The following CHSY3 variants were observed in gnomAD, a reference collection of about 807,000 sequenced individuals.
CHSY3 encodes the protein N-acetylgalactosaminyl-proteoglycan 3-beta-glucuronosyltransferase 3.
A neutral mutation model predicts 67.2 loss-of-function variants in CHSY3; 35 were observed. The ratio of observed to expected loss-of-function variants is 0.52; its 90% CI spans 0.40 to 0.69. The LOEUF is 0.69. Ranked by LOEUF, CHSY3 falls within the 30% of genes least tolerant of loss-of-function variation. CHSY3 has a pLI of 0.00. For synonymous variants in CHSY3, 474 were observed against 434.7 expected (o/e 1.09, Z -1.12); for missense variants, 1,069 against 1,138.5 (o/e 0.94, Z 0.88).
chr5:129,944,628 C>T (rs1186826047), intron 2 of CHSY3, among the ~76,000 whole-genome samples: 1 of 152,068 alleles, frequency 6.6e-6, no homozygotes, highest in Non-Finnish European at 1.5e-5. Context: ...CCACCGCGCC[C>T]AGCCCAGTGA....
In CHSY3 at chr5:130,072,113, A is replaced by T. The variant is rs187613062; in HGVS notation, c.1087-112116A>T. Among the ~76,000 whole-genome samples the T allele has an allele frequency of 2.6e-4, 40 of 152,036 alleles. No individual in the cohort carries two copies. The East Asian group carries it at 2.7e-3, about 10-fold the overall frequency. On this transcript the variant is annotated intron_variant, in intron 2 of 2. Coordinates refer to ENST00000305031, the MANE Select transcript of CHSY3 (RefSeq NM_175856.5). ...TTTTTATATTAACCCCTTATCAGACATATGGTTTGCAAATATTTTCTCCCA... is the reference window on the plus strand; with the variant it reads ...TTTTTATATTAACCCCTTATCAGACTTATGGTTTGCAAATATTTTCTCCCA...
chr5:130,143,784 G>GTGTATATATATATATGTGTGTATA (rs1179526892), intron 2 of CHSY3, among the ~76,000 whole-genome samples: 1 of 73,844 alleles, frequency 1.4e-5, no homozygotes, highest in African/African-American at 6.2e-5. Flanking sequence ...ATATATATGT[G>GTGTATATATATATATGTGTGTATA]TATATATATA....
intron 2 of CHSY3, among the ~76,000 whole-genome samples, chr5:129,926,227 G>A (rs1175952686): frequency 6.6e-6 from 1 of 151,912 alleles, no homozygotes; most frequent in Non-Finnish European, 1.5e-5. Flanking sequence ...ATTCAGTTTA[G>A]ATGGCCAACT....
chr5:130,012,316 T>C (rs1561496103), intron 2 of CHSY3, among the ~76,000 whole-genome samples: 1 of 152,156 alleles, frequency 6.6e-6, no homozygotes, highest in Non-Finnish European at 1.5e-5. Context: ...TCAGATCTTA[T>C]ACAAAGCCAA....
chr5:130,170,341 A>T (rs1769865241), intron 2 of CHSY3, among the ~76,000 whole-genome samples: 1 of 152,108 alleles, frequency 6.6e-6, no homozygotes, highest in East Asian at 1.9e-4. Context: ...ATTGCATAGT[A>T]TTCCATGGTG....
intron 2 of CHSY3, among the ~76,000 whole-genome samples, chr5:129,955,743 A>G (rs1762152628): frequency 6.6e-6 from 1 of 152,044 alleles, no homozygotes; most frequent in African/African-American, 2.4e-5. Context: ...CTATGTGTCC[A>G]TGAGCTTTCA....
chr5:129,993,604 C>T (rs1218611982), intron 2 of CHSY3, among the ~76,000 whole-genome samples: 2 of 152,040 alleles, frequency 1.3e-5, no homozygotes, highest in African/African-American at 2.4e-5. Context: ...CTATGTGTGT[C>T]TCTGCACGTG....
intron 2 of CHSY3, among the ~76,000 whole-genome samples, chr5:129,967,588 C>A (rs969321825): frequency 2.6e-5 from 4 of 151,804 alleles, no homozygotes; most frequent in Non-Finnish European, 4.4e-5. Context: ...GCTTTCTTGG[C>A]AAAAGGATAT....
At chr5:130,123,885 A>T (rs1042473539) in intron 2 of CHSY3, among the ~76,000 whole-genome samples, 1 of 151,700 alleles carries the variant, frequency 6.6e-6, no homozygotes, top group Non-Finnish European at 1.5e-5. Context: ...GTGAAACCCC[A>T]TCTCTACTAA....
At chr5:129,909,580 C>T (rs1236856857) in intron 2 of CHSY3, among the ~76,000 whole-genome samples, 3 of 151,852 alleles carry the variant, frequency 2.0e-5, no homozygotes, top group Non-Finnish European at 4.4e-5. Context: ...GATTATGTTG[C>T]TGATTTCTTT....
intron 2 of CHSY3, among the ~76,000 whole-genome samples, chr5:130,032,546 C>G (rs958117951): frequency 6.6e-6 from 1 of 152,048 alleles, no homozygotes; most frequent in Non-Finnish European, 1.5e-5. Flanking sequence ...GTGAGAGAGT[C>G]TTCAAGGAGA....
intron 2 of CHSY3, among the ~76,000 whole-genome samples, chr5:130,103,128 G>C (rs1385558936): frequency 1.3e-5 from 2 of 152,018 alleles, no homozygotes; most frequent in Non-Finnish European, 2.9e-5. Flanking sequence ...GCAGAGACTA[G>C]TTACAAGACT....
intron 2 of CHSY3, among the ~76,000 whole-genome samples, chr5:130,007,813 C>T (rs1390177883): frequency 6.6e-6 from 1 of 152,080 alleles, no homozygotes; most frequent in African/African-American, 2.4e-5. Flanking sequence ...GCTATCTTGC[C>T]CATGGGATTG....
At chr5:130,166,920 A>G (rs1201599847) in intron 2 of CHSY3, among the ~76,000 whole-genome samples, 1 of 152,088 alleles carries the variant, frequency 6.6e-6, no homozygotes, top group African/African-American at 2.4e-5. Context: ...GATCTAAGCA[A>G]TGTAACACAA....
At chr5:129,940,907 T>C (rs1580557717) in intron 2 of CHSY3, among the ~76,000 whole-genome samples, 2 of 152,156 alleles carry the variant, frequency 1.3e-5, no homozygotes, top group African/African-American at 4.8e-5. Context: ...CTGGACGCAT[T>C]GAAGGTAGAC....
At chr5:130,123,928 G>A (rs758741730) in intron 2 of CHSY3, among the ~76,000 whole-genome samples, 3 of 151,084 alleles carry the variant, frequency 2.0e-5, no homozygotes, top group Non-Finnish European at 4.4e-5. Flanking sequence ...GTGTGGTGGC[G>A]GGGGCCTGTA....
At position 130,185,547 on chromosome 5, in the gene CHSY3, G is replaced by T. The variant is rs1376865377; in HGVS notation, c.2405G>T (p.Gly802Val). The change falls in exon 3 of 3, where the codon GGC becomes GTC. Residue 802 changes from glycine (G) to valine (V), a missense_variant. Gly to Val is a moderately radical substitution (Grantham distance 109). Coordinates refer to ENST00000305031, the MANE Select transcript of CHSY3 (RefSeq NM_175856.5). The stretch of plus-strand genomic sequence containing the variant: ...GGTGGATTTGATACCTCAATACAAG[G>T]CTGGGGACTAGAAGATGTAGATCTC... The part of the protein sequence containing the change: ...GAGGFDTSIQ[G>V]WGLEDVDLYN... 39 of 1,613,986 alleles carry T rather than the reference G, an allele frequency of 2.4e-5. No individual in the cohort carries two copies. The highest frequency in any genetic ancestry group is 3.2e-5 in the Non-Finnish European group (38 of 1,179,994).
intron 2 of CHSY3, among the ~76,000 whole-genome samples, chr5:129,995,427 A>C (rs1580627978): frequency 6.6e-6 from 1 of 151,960 alleles, no homozygotes; most frequent in Non-Finnish European, 1.5e-5. Flanking sequence ...AGAAGGTCTT[A>C]GTTTTAATAA....
At chr5:129,924,472 C>G (rs1349657811) in intron 2 of CHSY3, among the ~76,000 whole-genome samples, 2 of 151,712 alleles carry the variant, frequency 1.3e-5, no homozygotes, top group Non-Finnish European at 2.9e-5. Flanking sequence ...ATGATGAAAC[C>G]CTGTCTCTAC....
Sources: gnomAD v4.1 joint callset for allele counts (sites outside exome capture counted in the v4.1 genomes callset) on GRCh38, gnomAD v4.1.1 for gene constraint, MANE v1.5 for transcripts, NCBI Gene and HGNC (gene_info 2026-07-23, HGNC 2026-07-21) for gene names.